Variants in ZNF626 observed in about 807,000 individuals in gnomAD.
ZNF626 encodes the protein CTC-513N18.7.
In ZNF626, 4 loss-of-function variants were observed where a neutral mutation model predicts 11.7. The ratio of observed to expected loss-of-function variants is 0.34; its 90% CI spans 0.17 to 0.78. The LOEUF (loss-of-function observed/expected upper bound fraction) is 0.78. Among genes scored for constraint, ZNF626 ranks in the 30% least tolerant of loss-of-function variants. The probability of loss-of-function intolerance (pLI) is 0.57; values close to 1 mark genes in which losing one functional copy is unlikely to be tolerated. For synonymous variants in ZNF626, 179 were observed against 198.6 expected, an observed-to-expected ratio of 0.90 and a Z score of 0.83; for missense variants, 588 against 587.1, an observed-to-expected ratio of 1.00 and a Z score of -0.01.
rs782598872 is a variant in ZNF626 at position 20,624,754 on chromosome 19, C to T, written c.1123G>A (p.Gly375Ser). ...GEKPYKCEEC[G>S]KAFKRSSDLT... Reference sequence around the variant, plus strand: ...TCTGAAGACCGCTTGAAGGCTTTGCCACATTCTTCACATTTGTAGGGTTTC... The same window carrying T: ...TCTGAAGACCGCTTGAAGGCTTTGCTACATTCTTCACATTTGTAGGGTTTC... Residue 375 changes from glycine (G) to serine (S), a missense_variant, in exon 4 of 4, where the codon GGC (glycine) becomes AGC (serine). Coordinates refer to ENST00000601440, the MANE Select transcript of ZNF626 (RefSeq NM_001076675.3). The T allele has an allele frequency of 6.8e-6, 11 of 1,613,240 alleles. No individual in the cohort carries two copies. The highest frequency in any genetic ancestry group is 2.7e-5 in the African/African-American group (2 of 74,890).
At chr19:20,636,993 C>T (rs1969972347) in intron 3 of ZNF626, among the ~76,000 whole-genome samples, 1 of 129,004 alleles carries the variant, frequency 7.8e-6, no homozygotes, top group Non-Finnish European at 1.5e-5. Context: ...GGTACTCCAG[C>T]CTGTGACAGA....
intron 3 of ZNF626, among the ~76,000 whole-genome samples, chr19:20,637,928 C>T (rs1447065439): frequency 6.6e-6 from 1 of 152,044 alleles, no homozygotes; most frequent in African/African-American, 2.4e-5. Context: ...TCACTTGATC[C>T]CAGGAGTTCA....
Position 20,620,103 on chromosome 19 carries a change from C to T in ZNF626, c.*4187G>A, listed in dbSNP as rs782592299. ...TTGGTTAAATTTTTATTAAAATAAGCGTTAAAAATAATTTTTTGAGTGTGT... is the reference window on the plus strand; with the variant it reads ...TTGGTTAAATTTTTATTAAAATAAGTGTTAAAAATAATTTTTTGAGTGTGT... On this transcript the variant is annotated 3_prime_UTR_variant, in exon 4 of 4. Coordinates refer to ENST00000601440, the MANE Select transcript of ZNF626 (RefSeq NM_001076675.3). The T allele has an allele frequency of 2.0e-5, 3 of 151,866 alleles. No homozygotes were observed. Among genetic ancestry groups the T allele is most frequent in the African/African-American group, 4.8e-5 (2 of 41,306 alleles). 9.4% of individuals were successfully genotyped at this position (151,866 alleles called of 1,614,324 possible).
intron 1 of ZNF626, among the ~76,000 whole-genome samples, chr19:20,653,125 A>G (rs1407493565): frequency 6.6e-6 from 1 of 152,176 alleles, no homozygotes; most frequent in Non-Finnish European, 1.5e-5. Context: ...TTTCTGCACA[A>G]GTGTGAATTT....
intron 1 of ZNF626, among the ~76,000 whole-genome samples, chr19:20,649,514 T>G (rs1300993582): frequency 1.3e-5 from 2 of 152,174 alleles, no homozygotes; most frequent in African/African-American, 2.4e-5. Flanking sequence ...TGAATGTATT[T>G]TGAACCCCTC....
chr19:20,629,011 T>G (rs1969872178), intron 3 of ZNF626, among the ~76,000 whole-genome samples: 1 of 152,142 alleles, frequency 6.6e-6, no homozygotes, highest in African/African-American at 2.4e-5. Context: ...GGCTAGCCAG[T>G]TTTCCCAGCA....
chr19:20,629,176 G>A (rs1211809020), intron 3 of ZNF626, among the ~76,000 whole-genome samples: 6 of 152,100 alleles, frequency 3.9e-5, no homozygotes, highest in Non-Finnish European at 7.4e-5. Context: ...TGCTGTTTTG[G>A]TTACTGTAGC....
At chr19:20,647,722 G>A (rs1364749996) in intron 1 of ZNF626, among the ~76,000 whole-genome samples, 2 of 151,814 alleles carry the variant, frequency 1.3e-5, no homozygotes, top group African/African-American at 2.4e-5. Context: ...TCCTGACCTC[G>A]TGATCCACCC....
intron 3 of ZNF626, among the ~76,000 whole-genome samples, chr19:20,630,842 G>A (rs1969896246): frequency 8.5e-6 from 1 of 117,984 alleles, no homozygotes; most frequent in African/African-American, 4.1e-5. Flanking sequence ...GTTTGCTCTT[G>A]CCTCTCTAGT....
intron 3 of ZNF626, among the ~76,000 whole-genome samples, chr19:20,632,049 G>C (rs1483663385): frequency 6.6e-6 from 1 of 152,058 alleles, no homozygotes; most frequent in African/African-American, 2.4e-5. Flanking sequence ...CACTTATGCA[G>C]CTTAGTTTGG....
At position 20,624,385 on chromosome 19, in the gene ZNF626, T is replaced by C; in HGVS notation, c.1492A>G (p.Thr498Ala). ...KAFNQSSILT[T>A]HERIILERNS... ...CTCTCCAGTATGATTCTCTCATGTG[T>C]AGTAAGGATTGAGGACTGGTTGAAG... Residue 498 changes from threonine (T) to alanine (A), a missense_variant, in exon 4 of 4, where the codon ACA (threonine) becomes GCA (alanine). Thr to Ala is a moderately conservative substitution (Grantham distance 58). This residue lies in a region of ZNF626 where 43 missense variants were observed against 38.0 expected (regional missense o/e 1.13). Transcript: ENST00000601440. 1 of 734,944 alleles carries C rather than the reference T, an allele frequency of 1.4e-6. No individual in the cohort carries two copies. Among genetic ancestry groups the C allele is most frequent in the Non-Finnish European group, 2.2e-6 (1 of 456,698 alleles). The allele number at this position is 734,944 out of a possible 1,614,324, so 45.5% of individuals were successfully genotyped here.
Position 20,623,993 on chromosome 19 carries a change from AT to A in ZNF626, c.*296del. On this transcript the variant is annotated 3_prime_UTR_variant, in exon 4 of 4. Transcript: ENST00000601440. ...TTAGAAATTGAGGGCTGGTTAAAAG[AT>A]TTTCCCCATTCATCACATTCACATG... The A allele has an allele frequency of 3.6e-6, 2 of 555,628 alleles. No individual in the cohort carries two copies. The highest frequency in any genetic ancestry group is 6.6e-6 in the Non-Finnish European group (2 of 305,260). 34.4% of individuals were successfully genotyped at this position (555,628 alleles called of 1,614,324 possible).
In ZNF626 at chr19:20,625,465, T is replaced by A. The variant is rs782753205; in HGVS notation, c.412A>T (p.Thr138Ser). Residue 138 changes from threonine (T) to serine (S), a missense_variant, in exon 4 of 4, where the codon ACA becomes TCA. Transcript: ENST00000601440. ...TGACATATTTTTCTTGGGGTAGTTG[T>A]CAAACATTGGTTAAGTTCATTATAA... ...EGYNELNQCL[T>S]TTPRKICQCD... is the part of the protein sequence containing the mutation. 4 of 1,613,976 alleles carry A rather than the reference T, an allele frequency of 2.5e-6. No homozygotes were observed. In the East Asian group the frequency reaches 8.9e-5, roughly 36 times the overall value.
intron 1 of ZNF626, among the ~76,000 whole-genome samples, chr19:20,658,055 T>C (rs1028219441): frequency 6.6e-6 from 1 of 151,822 alleles, no homozygotes; most frequent in Non-Finnish European, 1.5e-5. Flanking sequence ...TGACGTAATT[T>C]TAGTTGTATA....
chr19:20,652,273 G>T (rs1406275588), intron 1 of ZNF626, among the ~76,000 whole-genome samples: 1 of 144,194 alleles, frequency 6.9e-6, no homozygotes, highest in East Asian at 2.0e-4. Context: ...GGCTGCTCTA[G>T]CACATTCTAA....
intron 3 of ZNF626, among the ~76,000 whole-genome samples, chr19:20,638,389 C>T (rs1310111701): frequency 1.3e-5 from 2 of 149,164 alleles, no homozygotes; most frequent in Non-Finnish European, 3.0e-5. Flanking sequence ...TGCACCACTG[C>T]ACTGCAGCCT....
intron 1 of ZNF626, among the ~76,000 whole-genome samples, chr19:20,648,376 T>C (rs1332335712): frequency 1.6e-5 from 2 of 127,364 alleles, no homozygotes; most frequent in Non-Finnish European, 3.4e-5. Flanking sequence ...TTCTTCTTCT[T>C]CTTCTTTTTT....
intron 1 of ZNF626, among the ~76,000 whole-genome samples, chr19:20,660,785 A>G (rs1970257986): frequency 6.6e-6 from 1 of 152,210 alleles, no homozygotes; most frequent in South Asian, 2.1e-4. Context: ...GGCTGGGATC[A>G]GACCGCACAA....
intron 3 of ZNF626, among the ~76,000 whole-genome samples, chr19:20,632,045 T>G (rs1484381962): frequency 6.6e-6 from 1 of 152,176 alleles, no homozygotes; most frequent in African/African-American, 2.4e-5. Context: ...CCTTCACTTA[T>G]GCAGCTTAGT....
Sources: gnomAD v4.1 joint callset for allele counts (sites outside exome capture counted in the v4.1 genomes callset) on GRCh38, gnomAD v4.1.1 for gene constraint, gnomAD v4.1.1 regional missense constraint, MANE v1.5 for transcripts, NCBI Gene and HGNC (gene_info 2026-07-23, HGNC 2026-07-21) for gene names.